Variants in ASAP2 observed in about 807,000 individuals in gnomAD.
ASAP2 encodes arf-GAP with SH3 domain, ANK repeat and PH domain-containing protein 2.
A neutral mutation model predicts 131.4 loss-of-function variants in ASAP2; 45 were observed. The ratio of observed to expected loss-of-function variants is 0.34; its 90% CI spans 0.27 to 0.44. ASAP2 has a LOEUF of 0.44. ASAP2 is among the 20% of genes least tolerant of loss of function. ASAP2 has a pLI of 1.00. For synonymous variants in ASAP2, 510 were observed against 503.0 expected (o/e 1.01, Z -0.19); for missense variants, 1,011 against 1,297.0 (o/e 0.78, Z 3.39).
At chr2:9,239,758 T>C (rs930211523) in intron 1 of ASAP2, among the ~76,000 whole-genome samples, 5 of 152,086 alleles carry the variant, frequency 3.3e-5, no homozygotes, top group Non-Finnish European at 7.4e-5. Flanking sequence ...AGATGAGGCC[T>C]CACTGTGTCG....
At chr2:9,337,027 A>C (rs1471542881) in intron 9 of ASAP2, among the ~76,000 whole-genome samples, 1 of 152,272 alleles carries the variant, frequency 6.6e-6, no homozygotes, top group Non-Finnish European at 1.5e-5. Flanking sequence ...GGCTGTTGTG[A>C]GAGAACTGGT....
intron 1 of ASAP2, among the ~76,000 whole-genome samples, chr2:9,224,718 T>C (rs1662647879): frequency 6.6e-6 from 1 of 152,268 alleles, no homozygotes; most frequent in East Asian, 1.9e-4. Context: ...TCTGAATTCT[T>C]GAAGCAATTA....
chr2:9,264,659 C>T (rs1665817758), intron 1 of ASAP2, among the ~76,000 whole-genome samples: 1 of 152,018 alleles, frequency 6.6e-6, no homozygotes, highest in South Asian at 2.1e-4. Context: ...CTGTCACCGT[C>T]TTCTCTCCTC....
At chr2:9,334,327 A>G (rs1057218988) in intron 7 of ASAP2, among the ~76,000 whole-genome samples, 1 of 149,516 alleles carries the variant, frequency 6.7e-6, no homozygotes, top group Non-Finnish European at 1.5e-5. Context: ...TCACCCTGGG[A>G]TTATAGGCAT....
intron 11 of ASAP2, among the ~76,000 whole-genome samples, chr2:9,350,042 G>T (rs16867002): frequency 0.012 from 1,865 of 152,226 alleles, 35 homozygotes; most frequent in African/African-American, 0.043. Context: ...TTTCTAAGAG[G>T]TATTCTGCTG....
chr2:9,330,542 C>A (rs1470269552), intron 7 of ASAP2, among the ~76,000 whole-genome samples: 1 of 152,032 alleles, frequency 6.6e-6, no homozygotes, highest in African/African-American at 2.4e-5. Context: ...ACTTGTACCC[C>A]ATGAATTTAT....
chr2:9,305,963 A>T (rs1265133841), intron 3 of ASAP2, among the ~76,000 whole-genome samples: 4 of 135,790 alleles, frequency 2.9e-5, no homozygotes, highest in Non-Finnish European at 4.7e-5. Context: ...ATATTGGTGG[A>T]GGGGCTGTAG....
intron 16 of ASAP2, among the ~76,000 whole-genome samples, chr2:9,369,449 G>A (rs1019234059): frequency 6.6e-6 from 1 of 152,186 alleles, no homozygotes; most frequent in Non-Finnish European, 1.5e-5. Context: ...CCATGGGTTC[G>A]GGCAGTGGGT....
intron 1 of ASAP2, among the ~76,000 whole-genome samples, chr2:9,231,144 A>T (rs1572207913): frequency 6.6e-6 from 1 of 152,134 alleles, no homozygotes; most frequent in African/African-American, 2.4e-5. Context: ...AGCAGGATGG[A>T]TGGGGGAAAG....
chr2:9,369,616 A>G (rs1460847713), intron 16 of ASAP2, among the ~76,000 whole-genome samples: 1 of 152,222 alleles, frequency 6.6e-6, no homozygotes. Flanking sequence ...CCTGCATTTG[A>G]GTGGTGAGGC....
At chr2:9,286,308 A>C (rs115881863) in intron 2 of ASAP2, among the ~76,000 whole-genome samples, 189 of 152,166 alleles carry the variant, frequency 1.2e-3, no homozygotes, top group Non-Finnish European at 2.2e-3. Flanking sequence ...TGAGGCAGGA[A>C]GATTACATGA....
chr2:9,304,870 G>T (rs915090021), intron 3 of ASAP2, among the ~76,000 whole-genome samples: 2 of 148,576 alleles, frequency 1.3e-5, no homozygotes, highest in Non-Finnish European at 3.0e-5. Context: ...TAATAGTGGG[G>T]TATAGATATT....
At chr2:9,252,914 C>CAAAA (rs35078846) in intron 1 of ASAP2, among the ~76,000 whole-genome samples, 3 of 108,470 alleles carry the variant, frequency 2.8e-5, no homozygotes, top group South Asian at 3.4e-4. Context: ...GACTCCGTCT[C>CAAAA]AAAAAAAAAA....
chr2:9,359,121 A>C (rs1216743938), intron 15 of ASAP2, among the ~76,000 whole-genome samples: 2 of 152,238 alleles, frequency 1.3e-5, no homozygotes, highest in Admixed American at 6.5e-5. Flanking sequence ...AAACCAAAAC[A>C]GGAGCATTGA....
intron 19 of ASAP2, 41 bp from the exon 20 acceptor site, chr2:9,380,700 G>A (rs1194134491): frequency 1.2e-6 from 2 of 1,600,722 alleles, no homozygotes; most frequent in Middle Eastern, 1.7e-4. Context: ...CCTTTGCTGG[G>A]TTTTGCCTTA....
chr2:9,264,198 T>A (rs12998014), intron 1 of ASAP2, among the ~76,000 whole-genome samples: 26,077 of 82,770 alleles, frequency 0.32, 3,089 homozygotes, highest in African/African-American at 0.41. Context: ...CTCAAAAAAA[T>A]AATAATAATA....
rs748377124 is a variant in ASAP2, at chr2:9,405,558, C to T, written c.*2231C>T. ...AGCACAACTGTATATATTGTATAACCGAAATTGATTATTTTCATTGTCCTT... is the reference window on the plus strand; with the variant it reads ...AGCACAACTGTATATATTGTATAACTGAAATTGATTATTTTCATTGTCCTT... On this transcript the variant is annotated 3_prime_UTR_variant, in exon 28 of 28. Coordinates refer to ENST00000281419, the MANE Select transcript of ASAP2 (RefSeq NM_003887.3). 7.9e-5 allele frequency: 12 copies of T among 152,436 alleles called. 1 individual carries two copies. The highest frequency in any genetic ancestry group is 5.8e-4 in the East Asian group (3 of 5,190). 9.4% of individuals were successfully genotyped at this position (152,436 alleles called of 1,614,324 possible). A position where few individuals can be genotyped will look rare whatever the true frequency, so the allele number is the denominator to read the frequency against.
At chr2:9,294,517 A>G (rs1389129207) in intron 2 of ASAP2, among the ~76,000 whole-genome samples, 2 of 152,052 alleles carry the variant, frequency 1.3e-5, no homozygotes, top group East Asian at 1.9e-4. Flanking sequence ...CCTCCTACCA[A>G]CTCTATGGTC....
At chr2:9,239,104 T>G (rs1663759799) in intron 1 of ASAP2, among the ~76,000 whole-genome samples, 1 of 152,228 alleles carries the variant, frequency 6.6e-6, no homozygotes, top group Non-Finnish European at 1.5e-5. Context: ...CCTAGTTTGC[T>G]GGTTTTTTTG....
Sources: allele counts gnomAD v4.1 joint callset (sites outside exome capture counted in the v4.1 genomes callset), GRCh38; gene constraint gnomAD v4.1.1; transcripts MANE v1.5; gene names NCBI Gene and HGNC (gene_info 2026-07-23, HGNC 2026-07-21).